TRIM9: variants seen among roughly 807,000 people sequenced by gnomAD.
TRIM9 encodes the protein E3 ubiquitin-protein ligase TRIM9.
In TRIM9, 26 loss-of-function variants were observed where a neutral mutation model predicts 78.3. The observed-to-expected ratio is 0.33, with a 90% CI of 0.24 to 0.46. The LOEUF is 0.46. Among genes scored for constraint, TRIM9 ranks in the 20% least tolerant of loss-of-function variants. TRIM9 has a pLI of 1.00. For synonymous variants in TRIM9, 398 were observed against 416.5 expected, an observed-to-expected ratio of 0.96 and a Z score of 0.54; for missense variants, 787 against 1,036.4, an observed-to-expected ratio of 0.76 and a Z score of 3.30.
chr14:51,069,615 T>C lies in TRIM9; in HGVS notation c.822+24503A>G, dbSNP rs569244751. Among the ~76,000 whole-genome samples the C allele has an allele frequency of 5.9e-5, 9 of 152,338 alleles. No individual in the cohort carries two copies. In the South Asian group the frequency reaches 1.9e-3, roughly 32 times the overall value. ...GTGTTTGATTTGTTTCATGGCATTG[T>C]TGGTGTTTTTAATTTAAAGCAACAC... On this transcript the variant is annotated intron_variant, in intron 1 of 12. Coordinates refer to ENST00000684578, the MANE Select transcript of TRIM9 (RefSeq NM_001387360.1).
intron 1 of TRIM9, among the ~76,000 whole-genome samples, chr14:51,069,980 A>G (rs2062073580): frequency 6.6e-6 from 1 of 152,244 alleles, no homozygotes; most frequent in Admixed American, 6.5e-5. Flanking sequence ...TGGCTAAAAA[A>G]TGAGTTGTCC....
At chr14:51,029,823 C>T (rs576988594) in intron 1 of TRIM9, among the ~76,000 whole-genome samples, 5 of 152,266 alleles carry the variant, frequency 3.3e-5, no homozygotes, top group South Asian at 2.1e-4. Flanking sequence ...GGAACACAAA[C>T]CCTCATCTGA....
At chr14:51,038,084 T>C (rs956519593) in intron 1 of TRIM9, among the ~76,000 whole-genome samples, 1 of 152,142 alleles carries the variant, frequency 6.6e-6, no homozygotes, top group Non-Finnish European at 1.5e-5. Context: ...ATTTTGCAGA[T>C]GTGATTAAAG....
In TRIM9 at chr14:51,061,176, G is replaced by A. The variant is rs545482919; in HGVS notation, c.822+32942C>T. Among the ~76,000 whole-genome samples, 17 of 152,220 alleles carry A rather than the reference G, an allele frequency of 1.1e-4. No homozygotes were observed. The South Asian group carries it at 3.3e-3, about 30-fold the overall frequency. On this transcript the variant is annotated intron_variant, in intron 1 of 12. Coordinates refer to ENST00000684578, the MANE Select transcript of TRIM9 (RefSeq NM_001387360.1). ...GCCTGTAATCCCAGCACTTTGGGAG[G>A]CCGCAGCAGGTGGATCACCTGCGGT...
intron 1 of TRIM9, among the ~76,000 whole-genome samples, chr14:51,059,840 A>G (rs954866456): frequency 3.3e-5 from 5 of 151,914 alleles, no homozygotes; most frequent in Admixed American, 1.3e-4. Flanking sequence ...CAAAAAAACT[A>G]AAACAAAACA....
chr14:51,081,168 C>A (rs115071767), intron 1 of TRIM9, among the ~76,000 whole-genome samples: 3,278 of 152,076 alleles, frequency 0.022, 130 homozygotes, highest in African/African-American at 0.073. Flanking sequence ...GACAGACAAC[C>A]CAATTAAATG....
At chr14:51,053,128 C>T (rs372350250) in intron 1 of TRIM9, among the ~76,000 whole-genome samples, 2 of 149,410 alleles carry the variant, frequency 1.3e-5, no homozygotes, top group South Asian at 4.3e-4. Flanking sequence ...CCACTGCATT[C>T]CAGCCTGGGT....
intron 1 of TRIM9, among the ~76,000 whole-genome samples, chr14:51,079,515 ATG>A (rs1226570424): frequency 6.6e-6 from 1 of 152,070 alleles, no homozygotes; most frequent in Non-Finnish European, 1.5e-5. Context: ...AAAAGATATT[ATG>A]TGAGTGCATT....
chr14:51,012,417 T>G (rs2056688093), intron 3 of TRIM9, among the ~76,000 whole-genome samples: 1 of 152,228 alleles, frequency 6.6e-6, no homozygotes, highest in Non-Finnish European at 1.5e-5. Flanking sequence ...ATTTTCATCT[T>G]AAGAACAAAT....
chr14:50,979,200 TGC>T, intron 12 of TRIM9, 185 bp downstream of exon 12: 1 of 1,453,448 alleles, frequency 6.9e-7, no homozygotes, highest in Non-Finnish European at 9.1e-7. Flanking sequence ...ATAAAGAAGG[TGC>T]TTATGCTTGG....
chr14:51,022,874 C>A lies in TRIM9; in HGVS notation c.1002G>T (p.Leu334=), dbSNP rs111730710. ...CATGCTCCTTGTTGACGCGGGCCAGCAGCTGGGCTTTTCTTCTGTTGAGGG... is the reference window on the plus strand; with the variant it reads ...CATGCTCCTTGTTGACGCGGGCCAGAAGCTGGGCTTTTCTTCTGTTGAGGG... ...IDALNRRKAQ[L]LARVNKEHEH... Residue 334 remains leucine (L), a synonymous_variant, in exon 3 of 13, where the codon CTG becomes CTT. Coordinates refer to ENST00000684578, the MANE Select transcript of TRIM9 (RefSeq NM_001387360.1). The A allele has an allele frequency of 6.9e-3, 11,191 of 1,614,162 alleles. 47 individuals are homozygous for A. Among genetic ancestry groups the A allele is most frequent in the Non-Finnish European group, 8.0e-3 (9,460 of 1,180,018 alleles).
rs893593399 is a variant in TRIM9, at chr14:51,052,309, CAA to C, written c.823-26951_823-26950del. Among the ~76,000 whole-genome samples, 54 of 152,170 alleles carry C rather than the reference CAA, an allele frequency of 3.5e-4. No homozygotes were observed. The South Asian group carries it at 3.9e-3, about 11-fold the overall frequency. On this transcript the variant is annotated intron_variant, in intron 1 of 12. Coordinates refer to ENST00000684578, the MANE Select transcript of TRIM9 (RefSeq NM_001387360.1). ...ACTTGAGGGGACGCCTTAAAAATAACAAAAGAGTCAAGGTCGGCGAATATAAT... is the reference window on the plus strand; with the variant it reads ...ACTTGAGGGGACGCCTTAAAAATAACAAGAGTCAAGGTCGGCGAATATAAT...
At chr14:51,072,221 ACT>A (rs2062349044) in intron 1 of TRIM9, among the ~76,000 whole-genome samples, 1 of 151,906 alleles carries the variant, frequency 6.6e-6, no homozygotes, top group Non-Finnish European at 1.5e-5. Context: ...GGGAAACTTA[ACT>A]CTCTCTCCTG....
At chr14:51,034,883 T>A (rs2059008902) in intron 1 of TRIM9, among the ~76,000 whole-genome samples, 2 of 152,170 alleles carry the variant, frequency 1.3e-5, no homozygotes, top group African/African-American at 4.8e-5. Flanking sequence ...CTATCACCTA[T>A]AAAAATTCTG....
At position 50,996,285 on chromosome 14, in the gene TRIM9, T is replaced by C. The variant is rs772886719; in HGVS notation, c.1603+1765A>G. 2.2e-5 allele frequency: 22 copies of C among 985,412 alleles called. No individual in the cohort carries two copies. The South Asian group carries it at 7.0e-4, about 32-fold the overall frequency. The allele number at this position is 985,412 out of a possible 1,614,324, so 61.0% of individuals were successfully genotyped here. A position where few individuals can be genotyped will look rare whatever the true frequency, so the allele number is the denominator to read the frequency against. On this transcript the variant is annotated intron_variant, in intron 7 of 12. Coordinates refer to ENST00000684578, the MANE Select transcript of TRIM9 (RefSeq NM_001387360.1). ...TGTTCCGTTTGTTTCATCTAGAAAA[T>C]GACCCCCAGTTCTGTGACTGTGGTA...
intron 1 of TRIM9, among the ~76,000 whole-genome samples, chr14:51,049,262 C>T (rs2060199276): frequency 2.0e-5 from 3 of 152,088 alleles, no homozygotes; most frequent in Admixed American, 6.5e-5. Context: ...GACGGGGTTT[C>T]GCCAAGTTGA....
At chr14:51,055,737 C>T (rs546059757) in intron 1 of TRIM9, among the ~76,000 whole-genome samples, 1 of 152,320 alleles carries the variant, frequency 6.6e-6, no homozygotes, top group East Asian at 1.9e-4. Context: ...TTCTAGCCTA[C>T]AGAATTGTAA....
At chr14:51,023,579 T>C (rs1030336224) in intron 2 of TRIM9, among the ~76,000 whole-genome samples, 1 of 152,238 alleles carries the variant, frequency 6.6e-6, no homozygotes, top group Non-Finnish European at 1.5e-5. Context: ...GGCAACTTCA[T>C]ACTAAGTGAA....
chr14:51,074,869 A>T (rs896132709), intron 1 of TRIM9, among the ~76,000 whole-genome samples: 1 of 152,224 alleles, frequency 6.6e-6, no homozygotes, highest in African/African-American at 2.4e-5. Context: ...AGGTAAAATG[A>T]GGGGAATGAA....
Sources: allele counts gnomAD v4.1 joint callset (sites outside exome capture counted in the v4.1 genomes callset), GRCh38; gene constraint gnomAD v4.1.1; transcripts MANE v1.5; gene names NCBI Gene and HGNC (gene_info 2026-07-23, HGNC 2026-07-21).